Variants in RORA observed in about 807,000 individuals in gnomAD.
RORA encodes the protein RAR related orphan receptor A.
In RORA, 7 loss-of-function variants were observed where a neutral mutation model predicts 69.5. The observed-to-expected ratio is 0.10, with a 90% CI of 0.06 to 0.19. The LOEUF (loss-of-function observed/expected upper bound fraction) is 0.19. Among genes scored for constraint, RORA ranks in the 10% least tolerant of loss-of-function variants. The pLI is 1.00. For missense variants in RORA, 457 were observed against 663.0 expected (o/e 0.69, Z 3.41); for synonymous variants, 261 against 240.8 (o/e 1.08, Z -0.78).
intron 1 of RORA, among the ~76,000 whole-genome samples, chr15:60,933,008 G>C (rs992669027): frequency 2.0e-5 from 3 of 152,110 alleles, no homozygotes. Context: ...GGAGTTTCCA[G>C]GTTGCCCCCC....
chr15:61,024,538 C>T (rs1397462107), intron 1 of RORA, among the ~76,000 whole-genome samples: 2 of 151,504 alleles, frequency 1.3e-5, no homozygotes, highest in African/African-American at 4.8e-5. Context: ...GTAACCTCCA[C>T]CTCCTGAGTT....
intron 1 of RORA, among the ~76,000 whole-genome samples, chr15:61,174,848 CATA>C (rs1275729588): frequency 6.6e-6 from 1 of 152,182 alleles, no homozygotes; most frequent in Non-Finnish European, 1.5e-5. Context: ...ATCTGACCCG[CATA>C]ATGGCTCTCT....
chr15:60,611,508 G>A (rs1430589086), intron 2 of RORA, among the ~76,000 whole-genome samples: 1 of 114,748 alleles, frequency 8.7e-6, no homozygotes, highest in Non-Finnish European at 1.7e-5. Flanking sequence ...CTTTGTCTTG[G>A]TAGAAAGCAA....
intron 2 of RORA, chr15:60,547,570 C>A (rs1193197667): frequency 6.6e-6 from 1 of 151,352 alleles, no homozygotes; most frequent in African/African-American, 2.4e-5. Context: ...AGGTGATCCA[C>A]CCACTTTGGC....
intron 1 of RORA, among the ~76,000 whole-genome samples, chr15:61,014,731 T>C (rs1895220039): frequency 6.6e-6 from 1 of 152,044 alleles, no homozygotes; most frequent in African/African-American, 2.4e-5. Flanking sequence ...AGAAAAAAAA[T>C]ACATTTTCCT....
At chr15:60,532,789 A>C (rs1042350596) in intron 2 of RORA, among the ~76,000 whole-genome samples, 2 of 152,220 alleles carry the variant, frequency 1.3e-5, no homozygotes, top group African/African-American at 2.4e-5. Flanking sequence ...AACAGTCACC[A>C]GTTTACCTGG....
chr15:60,783,741 C>A (rs2072295767), intron 1 of RORA, among the ~76,000 whole-genome samples: 1 of 152,172 alleles, frequency 6.6e-6, no homozygotes, highest in Non-Finnish European at 1.5e-5. Context: ...CTCATACTAG[C>A]CACATGAGCT....
chr15:61,047,815 G>A (rs1436756479), intron 1 of RORA, among the ~76,000 whole-genome samples: 3 of 152,118 alleles, frequency 2.0e-5, no homozygotes, highest in East Asian at 1.9e-4. Context: ...GTGGTCCTCC[G>A]GCCATGACTT....
At chr15:61,159,423 T>C (rs17204910) in intron 1 of RORA, among the ~76,000 whole-genome samples, 17,393 of 152,186 alleles carry the variant, frequency 0.11, 1,228 homozygotes, top group Non-Finnish European at 0.16. Flanking sequence ...AGCTAATCCC[T>C]TTCTTCCATC....
chr15:60,543,626 ACAC>A (rs1443996152), intron 2 of RORA, among the ~76,000 whole-genome samples: 1 of 152,008 alleles, frequency 6.6e-6, no homozygotes, highest in African/African-American at 2.4e-5. Flanking sequence ...CTACAGGCAC[ACAC>A]CACCACACCT....
intron 1 of RORA, among the ~76,000 whole-genome samples, chr15:60,689,846 G>T (rs541251796): frequency 1.4e-4 from 21 of 152,252 alleles, no homozygotes; most frequent in African/African-American, 5.1e-4. Context: ...CAGAAGCTAG[G>T]AGAGAGGCTT....
intron 1 of RORA, among the ~76,000 whole-genome samples, chr15:60,949,465 C>G (rs914788180): frequency 2.6e-5 from 4 of 152,186 alleles, no homozygotes; most frequent in African/African-American, 9.6e-5. Context: ...TCACTACACA[C>G]GTGAAAATGC....
chr15:60,574,123 G>A (rs1446819608), intron 2 of RORA, among the ~76,000 whole-genome samples: 1 of 152,210 alleles, frequency 6.6e-6, no homozygotes, highest in Non-Finnish European at 1.5e-5. Flanking sequence ...GGTCAGAACA[G>A]AGCAGGGTTA....
At position 60,542,465 on chromosome 15, in the gene RORA, ACACACGGCACACAGGCGCACCT is replaced by A. The variant is rs1378809877; in HGVS notation, c.197-10636_197-10615del. Among the ~76,000 whole-genome samples the A allele has an allele frequency of 6.7e-5, 10 of 149,450 alleles. 1 individual carries two copies. Among genetic ancestry groups the A allele is most frequent in the East Asian group, 2.0e-4 (1 of 5,118 alleles). Reference sequence around the variant, plus strand: ...AGCACAGCACACAGGCACACCTCACACACACGGCACACAGGCGCACCTCACACGGCACACAGGCACATCTCAC... The same window carrying A: ...AGCACAGCACACAGGCACACCTCACACACACGGCACACAGGCACATCTCAC... On this transcript the variant is annotated intron_variant, in intron 2 of 10. Coordinates refer to ENST00000335670, the MANE Select transcript of RORA (RefSeq NM_134261.3).
At chr15:61,145,846 A>G (rs966144730) in intron 1 of RORA, among the ~76,000 whole-genome samples, 1 of 151,940 alleles carries the variant, frequency 6.6e-6, no homozygotes, top group African/African-American at 2.4e-5. Context: ...TAAACACTAA[A>G]CTCCAGGCTA....
chr15:61,018,002 AT>A (rs1895364758), intron 1 of RORA, among the ~76,000 whole-genome samples: 1 of 152,190 alleles, frequency 6.6e-6, no homozygotes, highest in Non-Finnish European at 1.5e-5. Context: ...CTCAACCTAC[AT>A]GACATAAGCT....
At chr15:60,968,124 GTGAA>G (rs1361654013) in intron 1 of RORA, among the ~76,000 whole-genome samples, 1 of 152,198 alleles carries the variant, frequency 6.6e-6, no homozygotes. Context: ...CAGAGACTGT[GTGAA>G]TGAGCTTTGG....
chr15:60,987,293 G>T (rs143888930), intron 1 of RORA, among the ~76,000 whole-genome samples: 2 of 152,010 alleles, frequency 1.3e-5, no homozygotes, highest in African/African-American at 4.8e-5. Flanking sequence ...CCTGGAGGAC[G>T]GTCTGTCTAA....
intron 1 of RORA, among the ~76,000 whole-genome samples, chr15:60,819,763 A>ACACACACACACACACGCG (rs1314728795): frequency 7.1e-5 from 10 of 140,806 alleles, no homozygotes; most frequent in East Asian, 2.0e-4. Flanking sequence ...ACACACACAC[A>ACACACACACACACACGCG]CACACACACA....
Sources: gnomAD v4.1 joint callset for allele counts (sites outside exome capture counted in the v4.1 genomes callset) on GRCh38, gnomAD v4.1.1 for gene constraint, MANE v1.5 for transcripts, NCBI Gene and HGNC (gene_info 2026-07-23, HGNC 2026-07-21) for gene names.